The following NUDC variants were observed in gnomAD, a reference collection of about 807,000 sequenced individuals.
The protein encoded by NUDC is nuclear distribution C, dynein complex regulator.
In NUDC, 14 loss-of-function variants were observed where a neutral mutation model predicts 45.0. That is an observed-to-expected ratio of 0.31 (90% CI 0.21 to 0.49). The LOEUF (loss-of-function observed/expected upper bound fraction) is 0.49, where lower values mean the gene tolerates loss of function less well. Among genes scored for constraint, NUDC ranks in the 20% least tolerant of loss-of-function variants. The pLI is 0.99. For synonymous variants in NUDC, 153 were observed against 156.7 expected (o/e 0.98, Z 0.17); for missense variants, 323 against 426.2 (o/e 0.76, Z 2.13).
chr1:26,936,156 TATATATATA>T (rs1170602385), intron 2 of NUDC, among the ~76,000 whole-genome samples: 2 of 14,826 alleles, frequency 1.3e-4, no homozygotes, highest in African/African-American at 2.5e-4. Context: ...TATATATATA[TATATATATA>T]TTTTTTTTTT....
Position 26,927,243 on chromosome 1 carries a change from TAAG to T in NUDC, c.159+3081_159+3083del, listed in dbSNP as rs1203347242. Among the ~76,000 whole-genome samples, 5 of 98,332 alleles carry T rather than the reference TAAG, an allele frequency of 5.1e-5. 1 individual carries two copies. Among genetic ancestry groups the T allele is most frequent in the South Asian group, 6.7e-4 (2 of 2,966 alleles). The allele number at this position is 98,332 out of a possible 152,430, so 64.5% of individuals were successfully genotyped here. ...TGTCCCAGCTGGAGCACAGTGGCTG[TAAG>T]AAGGGAGAGAGATGAACCGTGTGTG... On this transcript the variant is annotated intron_variant, in intron 2 of 8. Transcript: ENST00000321265.
intron 2 of NUDC, among the ~76,000 whole-genome samples, chr1:26,933,237 T>A (rs905251814): frequency 8.1e-5 from 12 of 148,934 alleles, no homozygotes; most frequent in Non-Finnish European, 1.8e-4. Context: ...CCGGCCACAA[T>A]TTTTTTTTTT....
chr1:26,923,450 TCTTG>T (rs1448734160), intron 1 of NUDC, among the ~76,000 whole-genome samples: 1 of 152,184 alleles, frequency 6.6e-6, no homozygotes, highest in Non-Finnish European at 1.5e-5. Flanking sequence ...CTCTCCTCCT[TCTTG>T]CTTTGACCCG....
At chr1:26,911,608 G>C (rs1424151799) in intron 3 of NUDC, 1 of 558,624 alleles carries the variant, frequency 1.8e-6, no homozygotes, top group Non-Finnish European at 3.2e-6. Context: ...AGGGACAGGA[G>C]TCTTGGCCCA....
Position 26,921,810 on chromosome 1 carries a change from A to G in NUDC, c.-39A>G, listed in dbSNP as rs1439434397. ...GCAGGAGCGTAGAGAGCGCGGGACTAGAGTGCAGAGCTCCGGGACGTGGAT... is the reference window on the plus strand; with the variant it reads ...GCAGGAGCGTAGAGAGCGCGGGACTGGAGTGCAGAGCTCCGGGACGTGGAT... On this transcript the variant is annotated 5_prime_UTR_variant, in exon 1 of 9. Coordinates refer to ENST00000321265, the MANE Select transcript of NUDC (RefSeq NM_006600.4). 2.5e-5 allele frequency: 38 copies of G among 1,542,940 alleles called. No individual in the cohort carries two copies. The highest frequency in any genetic ancestry group is 3.1e-5 in the Non-Finnish European group (35 of 1,141,084).
chr1:26,922,054 C>A, intron 1 of NUDC, 125 bp downstream of exon 1: 1 of 984,356 alleles, frequency 1.0e-6, no homozygotes, highest in Admixed American at 2.1e-5. Context: ...CCTACATTCT[C>A]ACTGCGCCCA....
chr1:26,926,165 G>A lies in NUDC; in HGVS notation c.159+1999G>A, dbSNP rs564346579. On this transcript the variant is annotated intron_variant, in intron 2 of 8. Coordinates refer to ENST00000321265, the MANE Select transcript of NUDC (RefSeq NM_006600.4). The stretch of plus-strand genomic sequence containing the variant: ...TGAGTAGCTGAGATTACAGGCGTGA[G>A]CCACCACGCCCGGCGCCATTATCTT... 7.2e-4 allele frequency among the ~76,000 whole-genome samples: 109 copies of A among 152,160 alleles called. 1 individual carries two copies. Among genetic ancestry groups the A allele is most frequent in the South Asian group, 1.9e-3 (9 of 4,810 alleles).
rs190669827 is a variant in NUDC, at chr1:26,924,825, A to G, written c.159+659A>G. The stretch of plus-strand genomic sequence containing the variant: ...CTCGGCCTCCCAAAGTGCTGGGATT[A>G]CAGGTATAAGCCACTGTGCCTGGCC... On this transcript the variant is annotated intron_variant, in intron 2 of 8. Transcript: ENST00000321265. Among the ~76,000 whole-genome samples the G allele has an allele frequency of 3.3e-3, 509 of 151,970 alleles. 3 individuals are homozygous for G. Among genetic ancestry groups the G allele is most frequent in the Non-Finnish European group, 5.4e-3 (369 of 67,952 alleles).
chr1:26,915,666 C>A (rs2082058432), intron 3 of NUDC, among the ~76,000 whole-genome samples: 1 of 152,054 alleles, frequency 6.6e-6, no homozygotes, highest in Admixed American at 6.6e-5. Context: ...GATAAGCCTC[C>A]CTGGGACAAT....
chr1:26,907,587 C>T (rs7512510), intron 2 of NUDC, among the ~76,000 whole-genome samples: 1 of 151,074 alleles, frequency 6.6e-6, no homozygotes, highest in South Asian at 2.1e-4. Flanking sequence ...GGAGTTAATG[C>T]GGGACACAGC....
chr1:26,946,401 C>T lies in NUDC; in HGVS notation c.*220C>T, dbSNP rs1339415557. The T allele has an allele frequency of 1.7e-6, 1 of 579,818 alleles. No homozygotes were observed. Among genetic ancestry groups the T allele is most frequent in the Non-Finnish European group, 3.1e-6 (1 of 321,792 alleles). The allele number at this position is 579,818 out of a possible 1,614,324, so 35.9% of individuals were successfully genotyped here. ...ATTAAAACGATTTGCCCAGCTCCTT[C>T]TGTGTCCTCTCTTGCCTCTGGCCTT... On this transcript the variant is annotated 3_prime_UTR_variant, in exon 9 of 9. Transcript: ENST00000321265.
In NUDC at chr1:26,929,503, A is replaced by T. The variant is rs145340218; in HGVS notation, c.159+5337A>T. ...TTAGGTATTAGGTAATCTAGGGATG[A>T]TTGAGAGTATGCAGGAGGATGCATG... On this transcript the variant is annotated intron_variant, in intron 2 of 8. Transcript: ENST00000321265. Among the ~76,000 whole-genome samples, 1,265 of 152,240 alleles carry T rather than the reference A, an allele frequency of 8.3e-3. 12 individuals carry two copies. Among genetic ancestry groups the T allele is most frequent in the African/African-American group, 0.029 (1,213 of 41,552 alleles).
At chr1:26,913,751 C>A in intron 3 of NUDC, 1 of 1,588,290 alleles carries the variant, frequency 6.3e-7, no homozygotes. Context: ...ACTGTCTTGG[C>A]CAGAACATCC....
At chr1:26,927,399 C>CTTT (rs1189665637) in intron 2 of NUDC, among the ~76,000 whole-genome samples, 1 of 129,934 alleles carries the variant, frequency 7.7e-6, no homozygotes, top group Non-Finnish European at 1.6e-5. Context: ...TTTTCTTTTT[C>CTTT]TTTTTTTTTT....
intron 2 of NUDC, among the ~76,000 whole-genome samples, chr1:26,940,902 A>C (rs1240949854): frequency 6.6e-6 from 1 of 150,502 alleles, no homozygotes; most frequent in Middle Eastern, 3.2e-3. Context: ...TGGCCAGATT[A>C]GTCTCCAATT....
intron 4 of NUDC, among the ~76,000 whole-genome samples, 191 bp downstream of exon 4, chr1:26,942,009 A>AT (rs2082281738): frequency 6.6e-6 from 1 of 151,944 alleles, no homozygotes. Flanking sequence ...AAAAATAAAA[A>AT]CCTGCCAGGC....
In NUDC at chr1:26,946,115, C is replaced by A. The variant is rs2082315999; in HGVS notation, c.945-15C>A. 1 of 1,604,044 alleles carries A rather than the reference C, an allele frequency of 6.2e-7. No individual in the cohort carries two copies. Among genetic ancestry groups the A allele is most frequent in the East Asian group, 2.2e-5 (1 of 44,880 alleles). On this transcript the variant is annotated splice_polypyrimidine_tract_variant and intron_variant, in intron 8 of 8. Transcript: ENST00000321265. ...GAGAAGGATGAGCTGTTTCATCTTG[C>A]TTCCGTTTCTCCAGGTTCATGGATC...
intron 3 of NUDC, chr1:26,912,073 G>C: frequency 6.2e-7 from 1 of 1,613,746 alleles, no homozygotes; most frequent in Non-Finnish European, 8.5e-7. Context: ...AGGCGGCTTG[G>C]AGGCCTGGCA....
At chr1:26,941,867 C>G in intron 4 of NUDC, 49 bp downstream of exon 4, 2 of 1,559,888 alleles carry the variant, frequency 1.3e-6, no homozygotes, top group Non-Finnish European at 1.8e-6. Flanking sequence ...TTGGAACTTA[C>G]AGGAAATCTC....
Sources: allele counts gnomAD v4.1 joint callset (sites outside exome capture counted in the v4.1 genomes callset), GRCh38; gene constraint gnomAD v4.1.1; transcripts MANE v1.5; gene names NCBI Gene and HGNC (gene_info 2026-07-23, HGNC 2026-07-21).